The following TMEM214 variants were observed in gnomAD, a reference collection of about 807,000 sequenced individuals.
The protein encoded by TMEM214 is transmembrane protein 214.
In TMEM214, 71 loss-of-function variants were observed where a neutral mutation model predicts 89.8. The observed-to-expected ratio is 0.79, with a 90% CI of 0.65 to 0.96. The LOEUF (loss-of-function observed/expected upper bound fraction) is 0.96, where lower values mean the gene tolerates loss of function less well. TMEM214 is among the 40% of genes least tolerant of loss of function. TMEM214 has a pLI of 0.00. For missense variants in TMEM214, 754 were observed against 843.4 expected, an observed-to-expected ratio of 0.89 and a Z score of 1.31; for synonymous variants, 332 against 349.5, an observed-to-expected ratio of 0.95 and a Z score of 0.56.
Position 27,035,694 on chromosome 2 carries a change from G to A in TMEM214, c.603G>A (p.Leu201=), listed in dbSNP as rs962387167. Residue 201 remains leucine, a synonymous_variant, in exon 4 of 17, where the codon CTG becomes CTA. Transcript: ENST00000238788. ...TGGAGCTCTTTTTTGACCACTGTCT[G>A]TTCACCATGTTGCAAGAGCTGGATA... ...GSLELFFDHC[L]FTMLQELDKT... is the part of the protein sequence containing the mutation. 9.9e-6 allele frequency: 16 copies of A among 1,614,110 alleles called. No individual in the cohort carries two copies. The highest frequency in any genetic ancestry group is 6.7e-5 in the African/African-American group (5 of 74,940).
chr2:27,036,653 G>A (rs1008148536), intron 6 of TMEM214, 52 bp from the exon 7 acceptor site: 62 of 1,612,822 alleles, frequency 3.8e-5, no homozygotes, highest in Non-Finnish European at 5.0e-5. Flanking sequence ...CCTCTTTGAT[G>A]CCCCCAGTAG....
At chr2:27,037,299 G>C in intron 8 of TMEM214, 121 bp downstream of exon 8, 1 of 937,430 alleles carries the variant, frequency 1.1e-6, no homozygotes, top group Non-Finnish European at 1.7e-6. Flanking sequence ...GGAAGTTCAA[G>C]AGTAGGTTTC....
Position 27,038,662 on chromosome 2 carries a change from C to T in TMEM214, c.1294-40C>T. ...CATGGAAAATGAAGCAGGATGGAAG[C>T]TCTGGATTCCCTCACAGGCCAGACC... is the stretch of plus-strand genomic sequence containing the variant. On this transcript the variant is annotated intron_variant, in intron 11 of 16. Coordinates refer to ENST00000238788, the MANE Select transcript of TMEM214 (RefSeq NM_017727.5). The surrounding 1 kb of genome is among the most constrained non-coding windows in gnomAD (Gnocchi z 4.4). The T allele has an allele frequency of 1.2e-6, 2 of 1,605,860 alleles. No homozygotes were observed. The highest frequency in any genetic ancestry group is 1.3e-5 in the African/African-American group (1 of 74,860).
Position 27,039,813 on chromosome 2 carries a change from A to G in TMEM214, c.1598A>G (p.Tyr533Cys), listed in dbSNP as rs371208030. The G allele has an allele frequency of 8.1e-6, 13 of 1,613,882 alleles. No homozygotes were observed. Among genetic ancestry groups the G allele is most frequent in the African/African-American group, 8.0e-5 (6 of 74,852 alleles). Residue 533 changes from tyrosine (Y) to cysteine (C), a missense_variant, in exon 14 of 17, where the codon TAC becomes TGC. Transcript: ENST00000238788. ...PASQQACAKL[Y>C]SYSLQGYSWL... is the part of the protein sequence containing the mutation. ...AGCCAACAAGCGTGTGCCAAGCTCT[A>G]CTCCTACAGTCTGCAAGGCTACAGG...
rs1241914352 is a variant in TMEM214, at chr2:27,038,827, CG to C, written c.1407+14del. The C allele has an allele frequency of 1.3e-5, 21 of 1,605,176 alleles. No individual in the cohort carries two copies. Among genetic ancestry groups the C allele is most frequent in the Non-Finnish European group, 1.7e-5 (20 of 1,172,394 alleles). ...ACATGGCCTGCAAGGTGCTGGCACC[CG>C]GTCCTCTCCAGCCCACACGCTATCT... is the stretch of plus-strand genomic sequence containing the variant. On this transcript the variant is annotated intron_variant, in intron 12 of 16. Coordinates refer to ENST00000238788, the MANE Select transcript of TMEM214 (RefSeq NM_017727.5). This position sits in a 1 kb window ranked among gnomAD's most constrained non-coding sequence, Gnocchi z 4.4.
In TMEM214 at chr2:27,039,795, A is replaced by T; in HGVS notation, c.1580A>T (p.Gln527Leu). ...TCTGGCTTCTTACCTGCTAGCCAAC[A>T]AGCGTGTGCCAAGCTCTACTCCTAC... Reference protein sequence around the residue: ...RSSGFLPASQQACAKLYSYSL... With the variant: ...RSSGFLPASQLACAKLYSYSL... The change falls in exon 14 of 17, where the codon CAA (glutamine) becomes CTA (leucine). Residue 527 changes from glutamine (Q) to leucine (L), a missense_variant. Gln to Leu is a moderately radical substitution (Grantham distance 113, BLOSUM62 -2). Transcript: ENST00000238788. The T allele has an allele frequency of 6.2e-7, 1 of 1,614,156 alleles. No individual in the cohort carries two copies. The highest frequency in any genetic ancestry group is 8.5e-7 in the Non-Finnish European group (1 of 1,180,020).
At chr2:27,034,773 G>A (rs571376130) in intron 2 of TMEM214, among the ~76,000 whole-genome samples, 87 of 151,966 alleles carry the variant, frequency 5.7e-4, no homozygotes, top group African/African-American at 2.0e-3. Context: ...TAGTAGAGAT[G>A]GGGTTTCACT....
chr2:27,035,112 G>C (rs1667493049), intron 2 of TMEM214, 23 bp from the exon 3 acceptor site: 2 of 1,612,818 alleles, frequency 1.2e-6, no homozygotes, highest in Non-Finnish European at 8.5e-7. Context: ...CATGGTGGGG[G>C]GTTGGGGGAT....
chr2:27,040,580 C>T lies in TMEM214; in HGVS notation c.1943+84C>T, dbSNP rs1025259771. ...GGGACAAGCCATCTCTATCCAGTCT[C>T]CCACACTGTCCTGCCCCTCGCTCCC... On this transcript the variant is annotated intron_variant, in intron 16 of 16. Coordinates refer to ENST00000238788, the MANE Select transcript of TMEM214 (RefSeq NM_017727.5). 5.0e-6 allele frequency: 8 copies of T among 1,586,172 alleles called. No homozygotes were observed. In the African/African-American group the frequency reaches 9.4e-5, roughly 19 times the overall value.
At position 27,041,692 on chromosome 2, in the gene TMEM214, C is replaced by A. The variant is rs1219821603; in HGVS notation, c.*855C>A. On this transcript the variant is annotated 3_prime_UTR_variant, in exon 17 of 17. Transcript: ENST00000238788. Reference sequence around the variant, plus strand: ...GGAATAAAGGACACAGATTTGATTTCTAGCATTCTTGTCTGCATCCTCATA... The same window carrying A: ...GGAATAAAGGACACAGATTTGATTTATAGCATTCTTGTCTGCATCCTCATA... The A allele has an allele frequency of 6.5e-6, 1 of 153,750 alleles. No individual in the cohort carries two copies. The highest frequency in any genetic ancestry group is 1.5e-5 in the Non-Finnish European group (1 of 68,056). 9.5% of individuals were successfully genotyped at this position (153,750 alleles called of 1,614,324 possible).
At chr2:27,037,956 C>T in intron 9 of TMEM214, 190 bp from the exon 10 acceptor site, 2 of 1,551,416 alleles carry the variant, frequency 1.3e-6, no homozygotes, top group Admixed American at 2.0e-5. Context: ...AGCTCTAGCT[C>T]AGGAGCCCCA....
rs769272921 is a variant in TMEM214 at position 27,035,209 on chromosome 2, G to A, written c.426G>A (p.Leu142=). 12 of 1,614,190 alleles carry A rather than the reference G, an allele frequency of 7.4e-6. No individual in the cohort carries two copies. Among genetic ancestry groups the A allele is most frequent in the Non-Finnish European group, 1.0e-5 (12 of 1,180,040 alleles). ...TCTCTGGAAACCCATCCATATGGTT[G>A]AAGGACCTGGCCAGCTATCTCAACT... is the stretch of plus-strand genomic sequence containing the variant. ...SVFSGNPSIW[L]KDLASYLNYK... is the part of the protein sequence containing the mutation. Residue 142 remains leucine, a synonymous_variant, in exon 3 of 17, where the codon TTG becomes TTA. Transcript: ENST00000238788.
In TMEM214 at chr2:27,041,268, TC is replaced by T. The variant is rs577485245; in HGVS notation, c.*432del. The T allele has an allele frequency of 5.4e-4, 90 of 167,338 alleles. No homozygotes were observed. Among genetic ancestry groups the T allele is most frequent in the African/African-American group, 2.1e-3 (87 of 41,970 alleles). The allele number at this position is 167,338 out of a possible 1,614,324, so 10.4% of individuals were successfully genotyped here. A position where few individuals can be genotyped will look rare whatever the true frequency, so the allele number is the denominator to read the frequency against. ...GACTTTAGCAGCCTCCTGTTCCCAT[TC>T]TTGGTCACAGCTCTAGCCACAGCAG... On this transcript the variant is annotated 3_prime_UTR_variant, in exon 17 of 17. Transcript: ENST00000238788.
chr2:27,033,126 G>C lies in TMEM214; in HGVS notation c.111G>C (p.Ala37=). ...GGRGGGRNRR[A]LGEANGVWKY... ...GAGGAGGCGGCAGGAACCGCAGGGC[G>C]CTCGGGGAAGCAAACGGAGTGTGGA... The change falls in exon 1 of 17, where the codon GCG becomes GCC. Residue 37 remains alanine, a synonymous_variant. Coordinates refer to ENST00000238788, the MANE Select transcript of TMEM214 (RefSeq NM_017727.5). 1 of 1,248,214 alleles carries C rather than the reference G, an allele frequency of 8.0e-7. No individual in the cohort carries two copies. The highest frequency in any genetic ancestry group is 1.0e-6 in the Non-Finnish European group (1 of 987,628). The allele number at this position is 1,248,214 out of a possible 1,614,324, so 77.3% of individuals were successfully genotyped here.
At chr2:27,033,954 C>G in intron 1 of TMEM214, 113 bp from the exon 2 acceptor site, 1 of 1,193,016 alleles carries the variant, frequency 8.4e-7, no homozygotes, top group Non-Finnish European at 1.2e-6. Context: ...GGCTTTGAGA[C>G]AGGCTCTTCC....
chr2:27,038,384 G>A lies in TMEM214; in HGVS notation c.1245-100G>A. On this transcript the variant is annotated intron_variant, in intron 10 of 16. Transcript: ENST00000238788. The surrounding 1 kb of genome is among the most constrained non-coding windows in gnomAD (Gnocchi z 4.4). ...AGCTGCTGCTCTGTGGGTGGTAGGT[G>A]GAGGGTCTTTCAGCCTGAAGGAGCC... 1.3e-6 allele frequency: 2 copies of A among 1,555,510 alleles called. No individual in the cohort carries two copies. Among genetic ancestry groups the A allele is most frequent in the Non-Finnish European group, 1.8e-6 (2 of 1,128,906 alleles).
chr2:27,040,668 G>A (rs2148251181), intron 16 of TMEM214, 43 bp from the exon 17 acceptor site: 1 of 1,607,034 alleles, frequency 6.2e-7, no homozygotes. Context: ...AGTTGACACA[G>A]CTACTCACGT....
At position 27,038,833 on chromosome 2, in the gene TMEM214, T is replaced by G. The variant is rs1667686471; in HGVS notation, c.1407+18T>G. On this transcript the variant is annotated intron_variant, in intron 12 of 16. Coordinates refer to ENST00000238788, the MANE Select transcript of TMEM214 (RefSeq NM_017727.5). This position sits in a 1 kb window ranked among gnomAD's most constrained non-coding sequence, Gnocchi z 4.4. ...CCTGCAAGGTGCTGGCACCCGGTCC[T>G]CTCCAGCCCACACGCTATCTTACAT... is the stretch of plus-strand genomic sequence containing the variant. 6.2e-7 allele frequency: 1 copy of G among 1,603,642 alleles called. No individual in the cohort carries two copies. The highest frequency in any genetic ancestry group is 8.5e-7 in the Non-Finnish European group (1 of 1,171,102).
At position 27,040,391 on chromosome 2, in the gene TMEM214, TGAGA is replaced by T. The variant is rs1025207767; in HGVS notation, c.1842_1845del (p.Arg614SerfsTer37). The T allele has an allele frequency of 6.2e-7, 1 of 1,614,238 alleles. No individual in the cohort carries two copies. Among genetic ancestry groups the T allele is most frequent in the Non-Finnish European group, 8.5e-7 (1 of 1,180,048 alleles). ...TCCGTGAATCAGCTACTCCGCTATC[TGAGA>T]GAGCTGCCCCTGCTTTTCCACCAGA... On this transcript the variant is annotated frameshift_variant, in exon 16 of 17. Transcript: ENST00000238788. LOFTEE classifies it high-confidence loss of function.
Sources: gnomAD v4.1 joint callset for allele counts (sites outside exome capture counted in the v4.1 genomes callset) on GRCh38, gnomAD v4.1.1 for gene constraint, Gnocchi (gnomAD v3.1) non-coding constraint, MANE v1.5 for transcripts, NCBI Gene and HGNC (gene_info 2026-07-23, HGNC 2026-07-21) for gene names.